Variants in AHRR observed in about 807,000 individuals in gnomAD.
AHRR encodes ahR repressor.
In AHRR, 28 loss-of-function variants were observed where a neutral mutation model predicts 44.0. The observed-to-expected ratio is 0.64, with a 90% CI of 0.47 to 0.87. The LOEUF (loss-of-function observed/expected upper bound fraction) is 0.87, where lower values mean the gene tolerates loss of function less well. Among genes scored for constraint, AHRR ranks in the 40% least tolerant of loss-of-function variants. The probability of loss-of-function intolerance (pLI) is 0.00; values close to 1 mark genes in which losing one functional copy is unlikely to be tolerated. For missense variants in AHRR, 990 were observed against 953.9 expected (o/e 1.04, Z -0.50); for synonymous variants, 434 against 407.0 (o/e 1.07, Z -0.80).
chr5:374,996 G>T (rs1162117610), intron 3 of AHRR, among the ~76,000 whole-genome samples: 3 of 152,192 alleles, frequency 2.0e-5, no homozygotes, highest in Non-Finnish European at 4.4e-5. Context: ...GGACTGTGGG[G>T]TGAGGAGAGC....
chr5:422,816 C>T lies in AHRR; in HGVS notation c.529C>T (p.Pro177Ser), dbSNP rs919563898. 3 of 1,613,936 alleles carry T rather than the reference C, an allele frequency of 1.9e-6. No individual in the cohort carries two copies. The highest frequency in any genetic ancestry group is 1.3e-5 in the African/African-American group (1 of 74,882). Residue 177 changes from proline to serine, a missense_variant, in exon 6 of 11, where the codon CCT becomes TCT. By Grantham distance (74) the Pro-to-Ser change is moderately conservative. Transcript: ENST00000684583. ...FCRQLHWAMD[P>S]PQVVFGQPPP... Reference sequence around the variant, plus strand: ...CCGGCAGCTCCACTGGGCCATGGACCCTCCCCAGGTGGTGTTTGGGCAGCC... The same window carrying T: ...CCGGCAGCTCCACTGGGCCATGGACTCTCCCCAGGTGGTGTTTGGGCAGCC...
At chr5:415,163 C>T (rs1284405995) in intron 5 of AHRR, among the ~76,000 whole-genome samples, 5 of 152,254 alleles carry the variant, frequency 3.3e-5, no homozygotes, top group Admixed American at 2.0e-4. Flanking sequence ...AGCTGTGACA[C>T]TGCGGGGTGC....
chr5:431,259 C>T (rs370296913), intron 8 of AHRR, among the ~76,000 whole-genome samples: 2 of 152,220 alleles, frequency 1.3e-5, no homozygotes, highest in Non-Finnish European at 1.5e-5. Context: ...GCTCCTCCTG[C>T]GGCCTGGACG....
At chr5:327,432 G>A (rs552709528) in intron 1 of AHRR, among the ~76,000 whole-genome samples, 2 of 152,280 alleles carry the variant, frequency 1.3e-5, no homozygotes, top group South Asian at 2.1e-4. Context: ...CACTACGTCC[G>A]TGTGTATACA....
intron 1 of AHRR, among the ~76,000 whole-genome samples, chr5:329,681 T>G (rs189083301): frequency 4.3e-4 from 66 of 152,370 alleles, no homozygotes; most frequent in Non-Finnish European, 6.8e-4. Context: ...ATCAGTGTTT[T>G]GTAATTTTCC....
In AHRR at chr5:434,346, G is replaced by A. The variant is rs373753792; in HGVS notation, c.1606G>A (p.Glu536Lys). 6 of 1,613,162 alleles carry A rather than the reference G, an allele frequency of 3.7e-6. No homozygotes were observed. The highest frequency in any genetic ancestry group is 5.1e-6 in the Non-Finnish European group (6 of 1,179,730). The change falls in exon 11 of 11, where the codon GAG (glutamate) becomes AAG (lysine). Residue 536 changes from glutamate (E) to lysine (K), a missense_variant. Coordinates refer to ENST00000684583, the MANE Select transcript of AHRR (RefSeq NM_001377236.1). The part of the protein sequence containing the change: ...TLLLDVSIKM[E>K]KDSGCEGAAD... ...GCTGCTAGATGTGTCCATCAAGATGGAGAAGGACTCTGGGTGTGAGGGTGC... is the reference window on the plus strand; with the variant it reads ...GCTGCTAGATGTGTCCATCAAGATGAAGAAGGACTCTGGGTGTGAGGGTGC...
chr5:323,225 G>A (rs1741568241), intron 1 of AHRR, among the ~76,000 whole-genome samples: 1 of 152,264 alleles, frequency 6.6e-6, no homozygotes, highest in African/African-American at 2.4e-5. Context: ...AGGAGGCCGG[G>A]GACAGCTGAG....
At chr5:364,844 T>A (rs1200059213) in intron 3 of AHRR, among the ~76,000 whole-genome samples, 1 of 151,936 alleles carries the variant, frequency 6.6e-6, no homozygotes, top group Non-Finnish European at 1.5e-5. Context: ...ATATGATGAA[T>A]CTATATTAAT....
rs973981982 is a variant in AHRR, at chr5:389,314, C to T, written c.351+12598C>T. Among the ~76,000 whole-genome samples the T allele has an allele frequency of 3.9e-5, 6 of 152,138 alleles. No individual in the cohort carries two copies. In the East Asian group the frequency reaches 5.8e-4, roughly 15 times the overall value. ...TGTGAACCAGGCAGCATCCACAGTG[C>T]GTGAGTCCACGTAAAGCCCTGAAAA... On this transcript the variant is annotated intron_variant, in intron 4 of 10. Transcript: ENST00000684583.
intron 2 of AHRR, among the ~76,000 whole-genome samples, chr5:350,139 A>G (rs894458522): frequency 2.0e-5 from 3 of 152,176 alleles, no homozygotes; most frequent in African/African-American, 7.2e-5. Flanking sequence ...CAGCTTGTCA[A>G]TTTCTGTAGA....
rs1327869560 is a variant in AHRR, at chr5:431,110, A to G, written c.909-1353A>G. 4.5e-4 allele frequency among the ~76,000 whole-genome samples: 68 copies of G among 152,130 alleles called. 1 individual carries two copies. Among genetic ancestry groups the G allele is most frequent in the Admixed American group, 4.4e-3 (67 of 15,282 alleles). On this transcript the variant is annotated intron_variant, in intron 8 of 10. Coordinates refer to ENST00000684583, the MANE Select transcript of AHRR (RefSeq NM_001377236.1). ...CTTCCCTGGGAGTTCCCAACCCTAG[A>G]AGCAGAGGGGACGCAGCCCCCTGGT...
rs2126345271 is a variant in AHRR, at chr5:337,880, G to A, written c.-10-6013G>A. Among the ~76,000 whole-genome samples, 1 of 152,352 alleles carries A rather than the reference G, an allele frequency of 6.6e-6. No individual in the cohort carries two copies. The highest frequency in any genetic ancestry group is 1.5e-5 in the Non-Finnish European group (1 of 68,036). On this transcript the variant is annotated intron_variant, in intron 1 of 10. Transcript: ENST00000684583. The surrounding 1 kb of genome is among the most constrained non-coding windows in gnomAD (Gnocchi z 4.1). ...GGAACACGAAAAAATAGGAAGCACTGGAACCAGGAGAGGCTCCTTCTTCCT... is the reference window on the plus strand; with the variant it reads ...GGAACACGAAAAAATAGGAAGCACTAGAACCAGGAGAGGCTCCTTCTTCCT...
rs1560929118 is a variant in AHRR, at chr5:436,271, C to CCAGGGACCCACCACCCCGCCGCA, written c.*1438_*1439insAGGGACCCACCACCCCGCCGCAC. 1.0e-5 allele frequency: 1 copy of CCAGGGACCCACCACCCCGCCGCA among 96,256 alleles called. No homozygotes were observed. Among genetic ancestry groups the CCAGGGACCCACCACCCCGCCGCA allele is most frequent in the Non-Finnish European group, 2.1e-5 (1 of 47,668 alleles). The allele number at this position is 96,256 out of a possible 1,614,324, so 6.0% of individuals were successfully genotyped here. A position where few individuals can be genotyped will look rare whatever the true frequency, so the allele number is the denominator to read the frequency against. ...GCCCGCGGGTGAGGGACCCACCACCCCTAGGGACCCACCACCCCGCCGCAC... is the reference window on the plus strand; with the variant it reads ...GCCCGCGGGTGAGGGACCCACCACCCCAGGGACCCACCACCCCGCCGCACTAGGGACCCACCACCCCGCCGCAC... On this transcript the variant is annotated 3_prime_UTR_variant, in exon 11 of 11. Coordinates refer to ENST00000684583, the MANE Select transcript of AHRR (RefSeq NM_001377236.1).
At chr5:348,028 G>T (rs1742737544) in intron 2 of AHRR, among the ~76,000 whole-genome samples, 1 of 152,212 alleles carries the variant, frequency 6.6e-6, no homozygotes. Context: ...AGGTGGAGTT[G>T]GTCTAGAACC....
intron 5 of AHRR, among the ~76,000 whole-genome samples, chr5:413,920 G>A (rs1052619214): frequency 1.3e-5 from 2 of 152,198 alleles, no homozygotes; most frequent in Non-Finnish European, 2.9e-5. Context: ...TTGAGGCCTC[G>A]TCAGATACCA....
chr5:416,519 T>G (rs965956218), intron 5 of AHRR, among the ~76,000 whole-genome samples: 2 of 152,186 alleles, frequency 1.3e-5, no homozygotes, highest in Non-Finnish European at 2.9e-5. Flanking sequence ...GGCACTGTCA[T>G]CTCCTGATGC....
intron 4 of AHRR, among the ~76,000 whole-genome samples, chr5:377,509 G>A (rs1322003707): frequency 6.6e-6 from 1 of 152,148 alleles, no homozygotes; most frequent in Non-Finnish European, 1.5e-5. Context: ...CCTGGGTGGG[G>A]CAGGAGGGCA....
In AHRR at chr5:435,153, G is replaced by A. The variant is rs895982117; in HGVS notation, c.*319G>A. On this transcript the variant is annotated 3_prime_UTR_variant, in exon 11 of 11. Coordinates refer to ENST00000684583, the MANE Select transcript of AHRR (RefSeq NM_001377236.1). ...CATGCCCCAGAGGCAGCGAGCACCC[G>A]TCCCATGGCTGCCAAGTCCACAGTC... 15 of 316,252 alleles carry A rather than the reference G, an allele frequency of 4.7e-5. No individual in the cohort carries two copies. Among genetic ancestry groups the A allele is most frequent in the East Asian group, 1.2e-4 (2 of 16,534 alleles). The allele number at this position is 316,252 out of a possible 1,614,324, so 19.6% of individuals were successfully genotyped here. A position where few individuals can be genotyped will look rare whatever the true frequency, so the allele number is the denominator to read the frequency against.
intron 5 of AHRR, among the ~76,000 whole-genome samples, chr5:416,612 C>A (rs1042739750): frequency 6.6e-6 from 1 of 152,220 alleles, no homozygotes; most frequent in African/African-American, 2.4e-5. Context: ...GGCCACCCGG[C>A]ATCCTCTTCA....
Sources: allele counts gnomAD v4.1 joint callset (sites outside exome capture counted in the v4.1 genomes callset), GRCh38; gene constraint gnomAD v4.1.1; non-coding constraint Gnocchi (gnomAD v3.1); transcripts MANE v1.5; gene names NCBI Gene and HGNC (gene_info 2026-07-23, HGNC 2026-07-21).